DEGS2: variants seen among roughly 807,000 people sequenced by gnomAD.
DEGS2 encodes sphingolipid delta(4)-desaturase/C4-monooxygenase DES2.
A neutral mutation model predicts 23.8 loss-of-function variants in DEGS2; 19 were observed. The ratio of observed to expected loss-of-function variants is 0.80; its 90% CI spans 0.56 to 1.17. The LOEUF (loss-of-function observed/expected upper bound fraction) is 1.17. Among genes scored for constraint, DEGS2 ranks in the 50% most tolerant of loss-of-function variants. The pLI is 0.00. For synonymous variants in DEGS2, 218 were observed against 213.7 expected, an observed-to-expected ratio of 1.02 and a Z score of -0.18; for missense variants, 390 against 459.5, an observed-to-expected ratio of 0.85 and a Z score of 1.38.
chr14:100,147,203 T>A (rs906179161), intron 2 of DEGS2, among the ~76,000 whole-genome samples: 2 of 152,146 alleles, frequency 1.3e-5, no homozygotes, highest in Non-Finnish European at 2.9e-5. Flanking sequence ...GAGGGCCTGG[T>A]GGCCTGAACT....
rs1382126687 is a variant in DEGS2 at position 100,146,915 on chromosome 14, G to C, written c.826-8C>G. 2 of 1,610,432 alleles carry C rather than the reference G, an allele frequency of 1.2e-6. No individual in the cohort carries two copies. Among genetic ancestry groups the C allele is most frequent in the Non-Finnish European group, 1.7e-6 (2 of 1,178,480 alleles). The stretch of plus-strand genomic sequence containing the variant: ...GGGCGCGATCTTCCGCACCTGTAGA[G>C]AGGAGGGCGGGGCTCAGGGGCTGGT... On this transcript the variant is annotated splice_polypyrimidine_tract_variant and splice_region_variant and intron_variant, in intron 2 of 2. Coordinates refer to ENST00000305631, the MANE Select transcript of DEGS2 (RefSeq NM_206918.3).
intron 1 of DEGS2, among the ~76,000 whole-genome samples, chr14:100,154,409 C>A (rs1246370922): frequency 6.6e-6 from 1 of 152,024 alleles, no homozygotes; most frequent in Non-Finnish European, 1.5e-5. Flanking sequence ...AGTCAGACTC[C>A]TGTGTGCCCT....
intron 1 of DEGS2, among the ~76,000 whole-genome samples, chr14:100,153,206 C>T (rs750864420): frequency 2.0e-4 from 30 of 152,034 alleles, no homozygotes; most frequent in South Asian, 1.2e-3. Context: ...CAGTGAGCCG[C>T]AATTGCACCA....
chr14:100,152,914 A>AAGGGAGGG (rs1200246501), intron 1 of DEGS2, among the ~76,000 whole-genome samples: 13 of 151,346 alleles, frequency 8.6e-5, no homozygotes, highest in African/African-American at 3.1e-4. Flanking sequence ...GGAAAGAAGG[A>AAGGGAGGG]AGGGAGGGAG....
upstream of DEGS2, among the ~76,000 whole-genome samples, chr14:100,162,068 C>A (rs1443385144): frequency 7.3e-5 from 11 of 149,740 alleles, no homozygotes; most frequent in East Asian, 1.8e-3. Context: ...TATAAATAGG[C>A]CGGGCACGGT....
intron 1 of DEGS2, among the ~76,000 whole-genome samples, chr14:100,158,529 C>G (rs1363105795): frequency 1.3e-5 from 2 of 152,140 alleles, no homozygotes; most frequent in African/African-American, 4.8e-5. Flanking sequence ...GAGACTCTGT[C>G]TCTAAATAAA....
In DEGS2 at chr14:100,146,903, C is replaced by T. The variant is rs1398768965; in HGVS notation, c.830G>A (p.Arg277Gln). 19 of 1,612,192 alleles carry T rather than the reference C, an allele frequency of 1.2e-5. No homozygotes were observed. The Admixed American group carries it at 2.2e-4, about 18-fold the overall frequency. Residue 277 changes from arginine (R) to glutamine (Q), a missense_variant, in exon 3 of 3, where the codon CGG (arginine) becomes CAG (glutamine). Transcript: ENST00000305631. ...SIPGYNLPLV[R>Q]KIAPEYYDHL... ...GTCGTAGTACTCGGGCGCGATCTTC[C>T]GCACCTGTAGAGAGGAGGGCGGGGC...
rs1889411788 is a variant in DEGS2 at position 100,144,991 on chromosome 14, G to A, written c.*1770C>T. ...CCTTAGGAGGCTCCACTCTCTGAGTGGCTTCGCCTAGGCTTCACCTAGGTC... is the reference window on the plus strand; with the variant it reads ...CCTTAGGAGGCTCCACTCTCTGAGTAGCTTCGCCTAGGCTTCACCTAGGTC... On this transcript the variant is annotated 3_prime_UTR_variant, in exon 3 of 3. Transcript: ENST00000305631. 1 of 152,300 alleles carries A rather than the reference G, an allele frequency of 6.6e-6. No individual in the cohort carries two copies. 9.4% of individuals were successfully genotyped at this position (152,300 alleles called of 1,614,324 possible).
upstream of DEGS2, among the ~76,000 whole-genome samples, chr14:100,163,413 G>T (rs897847285): frequency 6.6e-6 from 1 of 152,266 alleles, no homozygotes; most frequent in Admixed American, 6.5e-5. Context: ...CTGCACTCCA[G>T]CCTGGGAGAC....
upstream of DEGS2, among the ~76,000 whole-genome samples, chr14:100,162,999 G>A (rs757052346): frequency 3.3e-5 from 5 of 152,124 alleles, no homozygotes; most frequent in South Asian, 2.1e-4. Flanking sequence ...AGCACACGTC[G>A]GAGGAAAGCC....
Position 100,144,070 on chromosome 14 carries a change from C to T in DEGS2, c.*2691G>A, listed in dbSNP as rs182356789. On this transcript the variant is annotated 3_prime_UTR_variant, in exon 3 of 3. Transcript: ENST00000305631. ...GGTTTCCAGGTTTTCTCCCAGGTGA[C>T]GCTGTTAGCGCCTCAGCTGGCGGTG... The T allele has an allele frequency of 5.0e-3, 1,858 of 369,622 alleles. 21 individuals carry two copies. Among genetic ancestry groups the T allele is most frequent in the Non-Finnish European group, 6.2e-3 (1,253 of 201,958 alleles). 22.9% of individuals were successfully genotyped at this position (369,622 alleles called of 1,614,324 possible). A position where few individuals can be genotyped will look rare whatever the true frequency, so the allele number is the denominator to read the frequency against.
chr14:100,149,667 G>GC lies in DEGS2; in HGVS notation c.125dup (p.Leu43ProfsTer261). The GC allele has an allele frequency of 1.2e-6, 2 of 1,611,346 alleles. No individual in the cohort carries two copies. Among genetic ancestry groups the GC allele is most frequent in the Non-Finnish European group, 1.7e-6 (2 of 1,179,190 alleles). ...CCAGCACCAGCACCGCCCACTTGAG[G>GC]CGCGGGTCTGGCCGCATCAGGGCCT... On this transcript the variant is annotated frameshift_variant, in exon 2 of 3. Transcript: ENST00000305631. LOFTEE classifies it high-confidence loss of function.
At chr14:100,157,764 A>G (rs1889680656) in intron 1 of DEGS2, among the ~76,000 whole-genome samples, 1 of 152,136 alleles carries the variant, frequency 6.6e-6, no homozygotes, top group Non-Finnish European at 1.5e-5. Context: ...GTATCTCAGT[A>G]TGCTGCCATG....
At chr14:100,161,507 T>C (rs1182656493), upstream of DEGS2, among the ~76,000 whole-genome samples, 1 of 152,210 alleles carries the variant, frequency 6.6e-6, no homozygotes, top group Admixed American at 6.5e-5. Context: ...ACCCTGTCCG[T>C]TGTCCCAGAA....
chr14:100,162,720 C>A (rs952063496), upstream of DEGS2, among the ~76,000 whole-genome samples: 2 of 152,218 alleles, frequency 1.3e-5, no homozygotes, highest in African/African-American at 4.8e-5. Context: ...TCCCTCCACA[C>A]CCCCATTTCC....
chr14:100,146,830 C>A lies in DEGS2; in HGVS notation c.903G>T (p.Val301=). 1.9e-6 allele frequency: 3 copies of A among 1,613,890 alleles called. No homozygotes were observed. Among genetic ancestry groups the A allele is most frequent in the Non-Finnish European group, 2.5e-6 (3 of 1,179,928 alleles). The change falls in exon 3 of 3, where the codon GTG becomes GTT. Residue 301 remains valine (V), a synonymous_variant. Coordinates refer to ENST00000305631, the MANE Select transcript of DEGS2 (RefSeq NM_206918.3). ...HSWVKVLWDF[V]FEDSLGPYAR... ...CATAGGGCCCCAGGGAGTCCTCAAACACAAAATCCCAGAGCACCTTCACCC... is the reference window on the plus strand; with the variant it reads ...CATAGGGCCCCAGGGAGTCCTCAAAAACAAAATCCCAGAGCACCTTCACCC...
Position 100,146,161 on chromosome 14 carries a change from C to G in DEGS2, c.*600G>C, listed in dbSNP as rs1053798115. 5.2e-5 allele frequency: 8 copies of G among 152,454 alleles called. No individual in the cohort carries two copies. Among genetic ancestry groups the G allele is most frequent in the African/African-American group, 1.9e-4 (8 of 41,462 alleles). The allele number at this position is 152,454 out of a possible 1,614,324, so 9.4% of individuals were successfully genotyped here. On this transcript the variant is annotated 3_prime_UTR_variant, in exon 3 of 3. Transcript: ENST00000305631. ...CCGGGCTGCTAGGAGGGATTTGGAG[C>G]CACACAGATGACCAAAGTGAGCTTT...
chr14:100,150,697 C>T (rs1889556291), intron 1 of DEGS2, among the ~76,000 whole-genome samples: 1 of 152,162 alleles, frequency 6.6e-6, no homozygotes, highest in South Asian at 2.1e-4. Flanking sequence ...CCCTCAGGGT[C>T]CCTCCCTGTG....
the DEGS2 span, among the ~76,000 whole-genome samples, chr14:100,166,258 G>A: frequency 1.0e-4 from 12 of 117,420 alleles, no homozygotes; most frequent in East Asian, 5.9e-4. Context: ...CCTGTCCGGG[G>A]GAGTGGGGGG....
Sources: gnomAD v4.1 joint callset for allele counts (sites outside exome capture counted in the v4.1 genomes callset) on GRCh38, gnomAD v4.1.1 for gene constraint, MANE v1.5 for transcripts, NCBI Gene and HGNC (gene_info 2026-07-23, HGNC 2026-07-21) for gene names.